The following CROT variants were observed in gnomAD, a reference collection of about 807,000 sequenced individuals.
CROT encodes the protein carnitine O-octanoyltransferase, also known as peroxisomal carnitine O-octanoyltransferase.
A neutral mutation model predicts 89.2 loss-of-function variants in CROT; 84 were observed. That is an observed-to-expected ratio of 0.94 (90% confidence interval 0.79 to 1.13). The LOEUF is 1.13. Among genes scored for constraint, CROT ranks in the 50% most tolerant of loss-of-function variants. CROT has a pLI of 0.00. For synonymous variants in CROT, 212 were observed against 239.5 expected (o/e 0.89, Z 1.06); for missense variants, 711 against 727.8 (o/e 0.98, Z 0.27).
intron 10 of CROT, among the ~76,000 whole-genome samples, chr7:87,380,754 T>C (rs908985863): frequency 2.0e-5 from 3 of 152,244 alleles, no homozygotes; most frequent in Non-Finnish European, 4.4e-5. Context: ...TCTTGCTATT[T>C]CCTACTGGCT....
At chr7:87,358,847 C>T (rs150663031) in intron 3 of CROT, among the ~76,000 whole-genome samples, 6 of 152,168 alleles carry the variant, frequency 3.9e-5, no homozygotes, top group Admixed American at 2.0e-4. Context: ...TCGTGTTGTT[C>T]GAGTCAACCA....
intron 3 of CROT, among the ~76,000 whole-genome samples, chr7:87,357,922 C>T (rs1584623164): frequency 6.6e-6 from 1 of 152,138 alleles, no homozygotes; most frequent in Non-Finnish European, 1.5e-5. Context: ...AGGAGTGTGT[C>T]CTTGTAGGTA....
chr7:87,356,265 G>A (rs1584621523), intron 3 of CROT, among the ~76,000 whole-genome samples: 1 of 152,198 alleles, frequency 6.6e-6, no homozygotes, highest in Admixed American at 6.5e-5. Context: ...GATATCCAGT[G>A]AGTCATGCCA....
intron 4 of CROT, chr7:87,359,824 T>A: frequency 7.1e-6 from 7 of 983,630 alleles, no homozygotes; most frequent in Non-Finnish European, 8.5e-6. Context: ...GTATAATAAT[T>A]ATTGAAGGTC....
In CROT at chr7:87,382,543, A is replaced by G. The variant is rs1343041358; in HGVS notation, c.1301A>G (p.His434Arg). Reference protein sequence around the residue: ...LQLAYYRLHGHPGCCYETAMT... With the variant: ...LQLAYYRLHGRPGCCYETAMT... ...CTGGCCTATTACAGACTTCATGGAC[A>G]GTAAGGACCATTCAGTTTCTATTTT... Residue 434 changes from histidine to arginine, a missense_variant and splice_region_variant, in exon 13 of 18, where the codon CAC becomes CGC. By Grantham distance (29) the His-to-Arg change is conservative. Transcript: ENST00000331536. 6.2e-7 allele frequency: 1 copy of G among 1,609,030 alleles called. No individual in the cohort carries two copies. Among genetic ancestry groups the G allele is most frequent in the Non-Finnish European group, 8.5e-7 (1 of 1,178,706 alleles).
intron 13 of CROT, among the ~76,000 whole-genome samples, chr7:87,390,500 A>T (rs1285469956): frequency 1.3e-5 from 2 of 152,180 alleles, no homozygotes; most frequent in African/African-American, 2.4e-5. Context: ...CTTTGAAGGG[A>T]TACCATTTCA....
At chr7:87,384,920 C>A (rs1337571532) in intron 13 of CROT, among the ~76,000 whole-genome samples, 3 of 152,168 alleles carry the variant, frequency 2.0e-5, no homozygotes, top group African/African-American at 7.2e-5. Context: ...CAGTTTCATT[C>A]TTCTGCATAT....
chr7:87,398,186 C>T, intron 17 of CROT: 1 of 417,080 alleles, frequency 2.4e-6, no homozygotes, highest in Non-Finnish European at 4.6e-6. Context: ...AATTCATATT[C>T]CAACTCATTC....
chr7:87,393,554 A>G (rs1231535948), intron 17 of CROT, among the ~76,000 whole-genome samples: 1 of 152,196 alleles, frequency 6.6e-6, no homozygotes, highest in Non-Finnish European at 1.5e-5. Context: ...AATGAGAAAG[A>G]AAAGATCAAA....
At chr7:87,395,373 T>A (rs1807493353) in intron 17 of CROT, among the ~76,000 whole-genome samples, 1 of 152,200 alleles carries the variant, frequency 6.6e-6, no homozygotes, top group Non-Finnish European at 1.5e-5. Context: ...GACTCAAATG[T>A]TAATCTCCTT....
intron 12 of CROT, 88 bp from the exon 13 acceptor site, chr7:87,382,325 T>G: frequency 2.1e-6 from 3 of 1,459,048 alleles, no homozygotes; most frequent in Non-Finnish European, 2.8e-6. Context: ...TGTCTGGTGA[T>G]TACTTTAATG....
intron 6 of CROT, among the ~76,000 whole-genome samples, chr7:87,367,315 C>G (rs1172771803): frequency 6.6e-6 from 1 of 152,122 alleles, no homozygotes; most frequent in African/African-American, 2.4e-5. Flanking sequence ...AGAAGGGGTT[C>G]ATGAGCCCAA....
In CROT at chr7:87,382,191, T is replaced by C; in HGVS notation, c.1170+10T>C. On this transcript the variant is annotated intron_variant, in intron 12 of 17. Coordinates refer to ENST00000331536, the MANE Select transcript of CROT (RefSeq NM_021151.4). ...CCAGTATCTCAGGGAGGTATATTTTTCACTTTTCTCTTAAATAATAATGAT... is the reference window on the plus strand; with the variant it reads ...CCAGTATCTCAGGGAGGTATATTTTCCACTTTTCTCTTAAATAATAATGAT... 2 of 1,577,202 alleles carry C rather than the reference T, an allele frequency of 1.3e-6. No homozygotes were observed. Among genetic ancestry groups the C allele is most frequent in the Admixed American group, 1.8e-5 (1 of 56,744 alleles).
intron 7 of CROT, among the ~76,000 whole-genome samples, chr7:87,369,856 C>CAT (rs1806574294): frequency 7.2e-6 from 1 of 138,662 alleles, no homozygotes; most frequent in Non-Finnish European, 1.5e-5. Context: ...TATGTATATA[C>CAT]ATATATATGG....
chr7:87,375,703 A>C lies in CROT; in HGVS notation c.728A>C (p.Glu243Ala). 6.2e-7 allele frequency: 1 copy of C among 1,613,632 alleles called. No homozygotes were observed. The highest frequency in any genetic ancestry group is 8.5e-7 in the Non-Finnish European group (1 of 1,179,602). ...CCTGGGATTGCAGCATTAACTAGTG[A>C]GGAGCGAACTCGATGGGCTAAGGTT... ...DGPGIAALTS[E>A]ERTRWAKARE... Residue 243 changes from glutamate (E) to alanine (A), a missense_variant, in exon 8 of 18, where the codon GAG becomes GCG. Coordinates refer to ENST00000331536, the MANE Select transcript of CROT (RefSeq NM_021151.4).
chr7:87,346,267 CCTT>C (rs1805673086), intron 1 of CROT, 70 bp from the exon 2 acceptor site: 1 of 152,226 alleles, frequency 6.6e-6, no homozygotes, highest in South Asian at 2.1e-4. Context: ...CTGCATTCCA[CCTT>C]CTTTCACTAG....
intron 6 of CROT, among the ~76,000 whole-genome samples, chr7:87,368,439 A>G (rs1316957940): frequency 6.6e-6 from 1 of 152,168 alleles, no homozygotes; most frequent in Non-Finnish European, 1.5e-5. Context: ...AAGGGGAAGA[A>G]AGAAGAAATG....
At chr7:87,359,358 T>C in intron 4 of CROT, 28 bp downstream of exon 4, 1 of 1,568,386 alleles carries the variant, frequency 6.4e-7, no homozygotes, top group Non-Finnish European at 8.7e-7. Context: ...TGAATAATGA[T>C]GATGTTTAAA....
chr7:87,391,300 G>A (rs1160913704), intron 13 of CROT, among the ~76,000 whole-genome samples: 1 of 152,214 alleles, frequency 6.6e-6, no homozygotes, highest in Non-Finnish European at 1.5e-5. Flanking sequence ...TCAAAAGTGA[G>A]GGGTTACAGC....
Sources: allele counts gnomAD v4.1 joint callset (sites outside exome capture counted in the v4.1 genomes callset), GRCh38; gene constraint gnomAD v4.1.1; transcripts MANE v1.5; gene names NCBI Gene and HGNC (gene_info 2026-07-23, HGNC 2026-07-21).